Variants in ROBO1 observed in about 807,000 individuals in gnomAD.
The protein encoded by ROBO1 is roundabout homolog 1.
Under a neutral mutation model 195.9 loss-of-function variants are expected in ROBO1, and 149 were observed. The observed-to-expected ratio is 0.76, with a 90% CI of 0.67 to 0.87. The LOEUF (loss-of-function observed/expected upper bound fraction) is 0.87, where lower values mean the gene tolerates loss of function less well. Ranked by LOEUF, ROBO1 falls within the 40% of genes least tolerant of loss-of-function variation. The pLI, the probability that ROBO1 is intolerant of heterozygous loss-of-function variation, is 0.00. For missense variants in ROBO1, 1,933 were observed against 2,068.3 expected, an observed-to-expected ratio of 0.93 and a Z score of 1.27; for synonymous variants, 816 against 733.2, an observed-to-expected ratio of 1.11 and a Z score of -1.82.
intron 3 of ROBO1, chr3:79,019,265 G>A (rs776295845): frequency 1.2e-4 from 123 of 985,760 alleles, no homozygotes; most frequent in Non-Finnish European, 1.4e-4. Flanking sequence ...CAAACTTCCT[G>A]GGGGCAGCTG....
Position 79,364,746 on chromosome 3 carries a change from A to C in ROBO1, c.88+225078T>G, listed in dbSNP as rs556226970. On this transcript the variant is annotated intron_variant, in intron 2 of 30. Coordinates refer to ENST00000464233, the MANE Select transcript of ROBO1 (RefSeq NM_002941.4). ...TTTTATTATCAAAAAAGGCATTGAC[A>C]TCAACTACTCTGAAAACATTTAATA... Among the ~76,000 whole-genome samples, 324 of 152,312 alleles carry C rather than the reference A, an allele frequency of 2.1e-3. 2 individuals carry two copies. The highest frequency in any genetic ancestry group is 7.4e-3 in the African/African-American group (309 of 41,558).
chr3:79,406,453 A>G (rs2037553631), intron 2 of ROBO1, among the ~76,000 whole-genome samples: 2 of 151,892 alleles, frequency 1.3e-5, no homozygotes, highest in South Asian at 4.2e-4. Flanking sequence ...TAATAATAAT[A>G]AAACACCAAA....
intron 3 of ROBO1, among the ~76,000 whole-genome samples, chr3:79,004,109 C>A (rs1437766560): frequency 3.3e-5 from 5 of 152,246 alleles, no homozygotes; most frequent in Admixed American, 2.0e-4. Flanking sequence ...AGATCCAGTA[C>A]AAATATAACT....
intron 2 of ROBO1, among the ~76,000 whole-genome samples, chr3:79,270,438 T>TAA (rs139100189): frequency 8.0e-5 from 12 of 150,260 alleles, no homozygotes; most frequent in African/African-American, 2.4e-4. Flanking sequence ...AATGTCAACT[T>TAA]AAAAAAAAAC....
intron 2 of ROBO1, among the ~76,000 whole-genome samples, chr3:79,243,771 T>G (rs2082569093): frequency 6.6e-6 from 1 of 152,176 alleles, no homozygotes; most frequent in South Asian, 2.1e-4. Flanking sequence ...TTTCTCCCAT[T>G]CTATAGGTTG....
At chr3:79,515,383 T>G (rs1456834600) in intron 2 of ROBO1, among the ~76,000 whole-genome samples, 2 of 152,230 alleles carry the variant, frequency 1.3e-5, no homozygotes, top group Non-Finnish European at 2.9e-5. Flanking sequence ...AGATAGAAGA[T>G]AAGAATAGCT....
chr3:79,150,527 C>A (rs1016256273), intron 2 of ROBO1, among the ~76,000 whole-genome samples: 32 of 151,368 alleles, frequency 2.1e-4, no homozygotes, highest in African/African-American at 7.5e-4. Flanking sequence ...ATTTAATATT[C>A]AATAAATAAG....
chr3:78,610,115 A>T (rs1039888390), intron 28 of ROBO1, among the ~76,000 whole-genome samples: 1 of 152,158 alleles, frequency 6.6e-6, no homozygotes, highest in Non-Finnish European at 1.5e-5. Context: ...TAGACTCAAC[A>T]GTTTAGCCAA....
intron 1 of ROBO1, among the ~76,000 whole-genome samples, chr3:79,751,674 G>A (rs560778028): frequency 1.9e-4 from 29 of 152,096 alleles, no homozygotes; most frequent in Admixed American, 1.3e-3. Context: ...GATGGTTATC[G>A]TATTTCAATG....
intron 2 of ROBO1, among the ~76,000 whole-genome samples, chr3:79,569,699 A>G (rs924456983): frequency 5.4e-5 from 8 of 149,260 alleles, no homozygotes; most frequent in East Asian, 3.9e-4. Flanking sequence ...GTATATATAT[A>G]TGTGTGTGTG....
At chr3:79,293,721 C>T (rs2032399336) in intron 2 of ROBO1, among the ~76,000 whole-genome samples, 1 of 152,104 alleles carries the variant, frequency 6.6e-6, no homozygotes, top group Non-Finnish European at 1.5e-5. Flanking sequence ...AGATTCAATG[C>T]TATCCCCATC....
At chr3:79,400,690 C>T (rs977958556) in intron 2 of ROBO1, among the ~76,000 whole-genome samples, 2 of 151,876 alleles carry the variant, frequency 1.3e-5, no homozygotes, top group African/African-American at 4.8e-5. Context: ...AATGCATGTC[C>T]TAAATTCATA....
chr3:78,860,140 T>TAGATAGAC (rs1466400540), intron 4 of ROBO1, among the ~76,000 whole-genome samples: 2 of 40,444 alleles, frequency 4.9e-5, no homozygotes, highest in Non-Finnish European at 1.0e-4. Flanking sequence ...GGTAGATAGG[T>TAGATAGAC]AGATAGATAG....
intron 3 of ROBO1, among the ~76,000 whole-genome samples, chr3:78,987,892 T>C (rs948256333): frequency 5.3e-5 from 8 of 152,130 alleles, no homozygotes; most frequent in Admixed American, 1.3e-4. Context: ...ATACACCTAC[T>C]ATGTACCCAC....
At chr3:79,566,939 G>A (rs1576036340) in intron 2 of ROBO1, among the ~76,000 whole-genome samples, 1 of 151,844 alleles carries the variant, frequency 6.6e-6, no homozygotes, top group Non-Finnish European at 1.5e-5. Flanking sequence ...GGAATAAATC[G>A]AGACACATGC....
chr3:78,620,031 A>T (rs1704362654), intron 26 of ROBO1, among the ~76,000 whole-genome samples: 1 of 151,884 alleles, frequency 6.6e-6, no homozygotes, highest in Non-Finnish European at 1.5e-5. Context: ...AAAAAAAAAA[A>T]AAATTAATTA....
chr3:79,474,683 A>C (rs930558348), intron 2 of ROBO1, among the ~76,000 whole-genome samples: 8 of 152,098 alleles, frequency 5.3e-5, no homozygotes, highest in African/African-American at 1.4e-4. Flanking sequence ...TTTTTGAAAA[A>C]AAGAAACAAT....
chr3:79,362,901 C>A (rs1387627228), intron 2 of ROBO1, among the ~76,000 whole-genome samples: 2 of 152,052 alleles, frequency 1.3e-5, no homozygotes, highest in East Asian at 1.9e-4. Context: ...AAGGAAAAAA[C>A]CCATCGCATC....
intron 3 of ROBO1, among the ~76,000 whole-genome samples, chr3:79,012,188 T>G (rs952683267): frequency 6.6e-6 from 1 of 152,184 alleles, no homozygotes; most frequent in Non-Finnish European, 1.5e-5. Flanking sequence ...ACTAACATGA[T>G]TTGAAAAATA....
Sources: gnomAD v4.1 joint callset for allele counts (sites outside exome capture counted in the v4.1 genomes callset) on GRCh38, gnomAD v4.1.1 for gene constraint, MANE v1.5 for transcripts, NCBI Gene and HGNC (gene_info 2026-07-23, HGNC 2026-07-21) for gene names.